ARB2A: variants seen among roughly 807,000 people sequenced by gnomAD.
ARB2A encodes the protein ARB2 cotranscriptional regulator A.
the ARB2A span, among the ~76,000 whole-genome samples, chr5:94,057,732 A>C: frequency 6.6e-6 from 1 of 152,358 alleles, no homozygotes; most frequent in South Asian, 2.1e-4. Flanking sequence ...GTAAAAGAAC[A>C]GTTGGACAAC....
chr5:93,916,864 T>C, the ARB2A span, among the ~76,000 whole-genome samples: 1 of 151,966 alleles, frequency 6.6e-6, no homozygotes, highest in Non-Finnish European at 1.5e-5. Context: ...CCAAGATAGA[T>C]ACAGGTAATA....
the ARB2A span, chr5:93,784,503 T>C: frequency 4.4e-6 from 7 of 1,608,588 alleles, no homozygotes; most frequent in Non-Finnish European, 5.1e-6. Flanking sequence ...GAATCATCTG[T>C]TTTAAAAAAG....
chr5:93,652,935 A>C, the ARB2A span, among the ~76,000 whole-genome samples: 168 of 152,348 alleles, frequency 1.1e-3, no homozygotes, highest in African/African-American at 3.2e-3. Flanking sequence ...GAGAAAGAGC[A>C]TATGTTGCTT....
chr5:93,848,175 G>A, the ARB2A span, among the ~76,000 whole-genome samples: 3 of 152,144 alleles, frequency 2.0e-5, no homozygotes, highest in East Asian at 3.9e-4. Context: ...ACAAGGTCAA[G>A]AGATTGAGAC....
At chr5:93,855,209 GT>G in the ARB2A span, among the ~76,000 whole-genome samples, 3 of 152,276 alleles carry the variant, frequency 2.0e-5, no homozygotes, top group South Asian at 2.1e-4. Flanking sequence ...GTACCATTAT[GT>G]AATGGCCTTC....
At chr5:93,672,643 A>G in the ARB2A span, among the ~76,000 whole-genome samples, 2 of 152,156 alleles carry the variant, frequency 1.3e-5, no homozygotes, top group Non-Finnish European at 1.5e-5. Context: ...AAAAAATTTA[A>G]GCTAATGAGA....
At chr5:94,053,286 T>TTTTAA in the ARB2A span, 79 of 933,178 alleles carry the variant, frequency 8.5e-5, no homozygotes, top group African/African-American at 1.2e-3. Context: ...GTAACAAAGA[T>TTTTAA]TTTAATTTAA....
At chr5:93,695,119 A>G in the ARB2A span, among the ~76,000 whole-genome samples, 1 of 152,240 alleles carries the variant, frequency 6.6e-6, no homozygotes, top group Non-Finnish European at 1.5e-5. Flanking sequence ...CATTCAGGAC[A>G]CAGGCATGAA....
chr5:93,779,134 C>T, the ARB2A span, among the ~76,000 whole-genome samples: 8 of 140,614 alleles, frequency 5.7e-5, no homozygotes, highest in East Asian at 2.0e-4. Flanking sequence ...TGCGCGCGCG[C>T]GCGCACGTGC....
chr5:94,028,861 C>G, the ARB2A span, among the ~76,000 whole-genome samples: 1 of 152,134 alleles, frequency 6.6e-6, no homozygotes, highest in Non-Finnish European at 1.5e-5. Flanking sequence ...CATTTCTCTA[C>G]ATAACCATAA....
the ARB2A span, among the ~76,000 whole-genome samples, chr5:93,822,596 A>T: frequency 6.6e-6 from 1 of 152,116 alleles, no homozygotes; most frequent in Admixed American, 6.5e-5. Context: ...AAGAAAAAAT[A>T]AGCTATATAT....
At chr5:93,983,092 T>C in the ARB2A span, among the ~76,000 whole-genome samples, 1 of 151,936 alleles carries the variant, frequency 6.6e-6, no homozygotes, top group South Asian at 2.1e-4. Context: ...AGAAAGACAA[T>C]ATTTTAATCT....
At chr5:93,730,894 G>A in the ARB2A span, among the ~76,000 whole-genome samples, 30 of 152,096 alleles carry the variant, frequency 2.0e-4, no homozygotes, top group Admixed American at 2.0e-3. Context: ...TAATTCTTCA[G>A]CCCAGAAGGT....
the ARB2A span, among the ~76,000 whole-genome samples, chr5:93,667,874 C>T: frequency 2.6e-5 from 4 of 151,942 alleles, no homozygotes; most frequent in African/African-American, 9.7e-5. Context: ...AATTTCACTG[C>T]CAAAAGACAA....
chr5:94,073,743 C>T, the ARB2A span, among the ~76,000 whole-genome samples: 93 of 152,220 alleles, frequency 6.1e-4, 4 homozygotes, highest in East Asian at 0.014. Context: ...TTCCCAGCAA[C>T]ATACAAGCAT....
chr5:93,884,812 G>C, the ARB2A span, among the ~76,000 whole-genome samples: 2 of 151,472 alleles, frequency 1.3e-5, no homozygotes, highest in African/African-American at 4.8e-5. Flanking sequence ...AATATTCACA[G>C]AGATCATTCA....
chr5:94,017,223 C>A, the ARB2A span, among the ~76,000 whole-genome samples: 2 of 152,174 alleles, frequency 1.3e-5, no homozygotes, highest in Admixed American at 1.3e-4. Flanking sequence ...GCCAGAAAGA[C>A]TTTACTGTTC....
chr5:93,942,809 G>A, the ARB2A span, among the ~76,000 whole-genome samples: 1 of 151,972 alleles, frequency 6.6e-6, no homozygotes, highest in African/African-American at 2.4e-5. Context: ...AAACTTCCAG[G>A]AACATTAATG....
the ARB2A span, among the ~76,000 whole-genome samples, chr5:93,949,043 C>T: frequency 6.6e-6 from 1 of 152,072 alleles, no homozygotes; most frequent in Non-Finnish European, 1.5e-5. Flanking sequence ...TCATGTGTGG[C>T]CTTGGGTTCA....
Sources: allele counts gnomAD v4.1 joint callset (sites outside exome capture counted in the v4.1 genomes callset), GRCh38; gene constraint gnomAD v4.1.1; transcripts MANE v1.5; gene names NCBI Gene and HGNC (gene_info 2026-07-23, HGNC 2026-07-21).